EFCAB6: variants seen among roughly 807,000 people sequenced by gnomAD.
EFCAB6 encodes EF-hand calcium-binding domain-containing protein 6.
In EFCAB6, 156 loss-of-function variants were observed where a neutral mutation model predicts 169.8. The observed-to-expected ratio is 0.92, with a 90% CI of 0.81 to 1.05. The LOEUF (loss-of-function observed/expected upper bound fraction) is 1.05. Ranked by LOEUF, EFCAB6 falls within the 50% of genes least tolerant of loss-of-function variation. The pLI is 0.00. For missense variants in EFCAB6, 1,800 were observed against 1,829.1 expected, an observed-to-expected ratio of 0.98 and a Z score of 0.29; for synonymous variants, 698 against 676.4, an observed-to-expected ratio of 1.03 and a Z score of -0.50.
Position 43,530,930 on chromosome 22 carries a change from G to A in EFCAB6, c.4268C>T (p.Ser1423Phe). ...EAGAETPSFY[S>F]ALLRIQPKIV... ...TTTGGGCTGAATACGCAGCAGAGCA[G>A]AGTAAAAAGATGGCGTCTCCGCGCC... Residue 1423 changes from serine to phenylalanine, a missense_variant, in exon 31 of 32, where the codon TCT becomes TTT. Ser to Phe is a radical substitution (Grantham distance 155). Coordinates refer to ENST00000262726, the MANE Select transcript of EFCAB6 (RefSeq NM_022785.4). 1 of 1,613,776 alleles carries A rather than the reference G, an allele frequency of 6.2e-7. No homozygotes were observed. The highest frequency in any genetic ancestry group is 8.5e-7 in the Non-Finnish European group (1 of 1,180,036).
intron 6 of EFCAB6, among the ~76,000 whole-genome samples, chr22:43,746,940 G>C (rs911519487): frequency 6.6e-6 from 1 of 152,170 alleles, no homozygotes; most frequent in African/African-American, 2.4e-5. Context: ...ACACCAGCAG[G>C]GGCAAGCCTG....
At chr22:43,595,068 T>C (rs1184145800) in intron 23 of EFCAB6, among the ~76,000 whole-genome samples, 1 of 151,966 alleles carries the variant, frequency 6.6e-6, no homozygotes, top group Non-Finnish European at 1.5e-5. Context: ...TAAAAATGTA[T>C]TGAAGCAGAT....
intron 17 of EFCAB6, among the ~76,000 whole-genome samples, chr22:43,652,985 T>C (rs1569321522): frequency 6.6e-6 from 1 of 151,978 alleles, no homozygotes; most frequent in African/African-American, 2.4e-5. Context: ...AACCACAGAT[T>C]GAAAAATGCA....
intron 5 of EFCAB6, among the ~76,000 whole-genome samples, chr22:43,760,544 T>A (rs944659683): frequency 3.3e-5 from 5 of 152,248 alleles, no homozygotes; most frequent in Admixed American, 6.5e-5. Flanking sequence ...TTTTTTCTCT[T>A]ATACTGCTAT....
intron 20 of EFCAB6, among the ~76,000 whole-genome samples, chr22:43,625,959 GGTCTCC>G (rs1410642965): frequency 1.5e-4 from 23 of 152,356 alleles, no homozygotes; most frequent in Admixed American, 1.3e-3. Context: ...TGTGCTCACA[GGTCTCC>G]CAAGCTTCAA....
At chr22:43,655,446 T>C (rs941182963) in intron 17 of EFCAB6, among the ~76,000 whole-genome samples, 5 of 147,026 alleles carry the variant, frequency 3.4e-5, no homozygotes, top group African/African-American at 1.3e-4. Context: ...TCTATGAGAC[T>C]AATATAAGAA....
intron 5 of EFCAB6, among the ~76,000 whole-genome samples, 182 bp from the exon 6 acceptor site, chr22:43,756,014 T>G (rs530007442): frequency 6.6e-6 from 1 of 152,332 alleles, no homozygotes; most frequent in South Asian, 2.1e-4. Flanking sequence ...TCCCCTGGCC[T>G]GTTTTCTCAT....
intron 25 of EFCAB6, among the ~76,000 whole-genome samples, chr22:43,578,375 G>T (rs1221284293): frequency 6.6e-6 from 1 of 152,212 alleles, no homozygotes; most frequent in African/African-American, 2.4e-5. Context: ...TCACTGTGGG[G>T]ATTGAGAGGT....
At chr22:43,650,339 A>G (rs968719964) in intron 17 of EFCAB6, among the ~76,000 whole-genome samples, 1 of 152,176 alleles carries the variant, frequency 6.6e-6, no homozygotes, top group African/African-American at 2.4e-5. Context: ...CGGTTTTAAA[A>G]AGAGGCGTTC....
intron 17 of EFCAB6, among the ~76,000 whole-genome samples, chr22:43,646,301 G>C (rs778249467): frequency 2.6e-5 from 4 of 152,174 alleles, no homozygotes; most frequent in Admixed American, 6.5e-5. Flanking sequence ...CTGATTTCAA[G>C]AGCAGATACA....
chr22:43,629,311 C>T (rs922138279), intron 19 of EFCAB6, among the ~76,000 whole-genome samples: 1 of 152,226 alleles, frequency 6.6e-6, no homozygotes, highest in African/African-American at 2.4e-5. Context: ...ATTTCAGTTC[C>T]TGACGGTGCC....
chr22:43,717,051 C>T (rs1190810866), intron 8 of EFCAB6, 79 bp from the exon 9 acceptor site: 33 of 1,379,998 alleles, frequency 2.4e-5, no homozygotes, highest in Non-Finnish European at 2.9e-5. Flanking sequence ...TTAATCATTA[C>T]TTGTTTGGTA....
intron 10 of EFCAB6, among the ~76,000 whole-genome samples, chr22:43,692,664 T>C (rs1461820699): frequency 6.6e-6 from 1 of 152,052 alleles, no homozygotes; most frequent in Non-Finnish European, 1.5e-5. Context: ...AACTTAAATA[T>C]AGACCAACTG....
chr22:43,682,031 G>A (rs1603195685), intron 12 of EFCAB6, among the ~76,000 whole-genome samples: 1 of 152,198 alleles, frequency 6.6e-6, no homozygotes, highest in East Asian at 1.9e-4. Flanking sequence ...GCAGGAGAGA[G>A]ATTTGTTTCC....
intron 3 of EFCAB6, among the ~76,000 whole-genome samples, chr22:43,780,958 G>A (rs1159173937): frequency 6.6e-6 from 1 of 152,170 alleles, no homozygotes; most frequent in East Asian, 1.9e-4. Context: ...GCAGTGCTTT[G>A]TAAGTGCGTC....
chr22:43,757,049 G>T (rs546260387), intron 5 of EFCAB6, among the ~76,000 whole-genome samples: 1 of 152,160 alleles, frequency 6.6e-6, no homozygotes, highest in African/African-American at 2.4e-5. Context: ...GACTTCAAAG[G>T]GTAAGGGGAA....
chr22:43,776,205 A>G (rs1301583513), intron 3 of EFCAB6, among the ~76,000 whole-genome samples: 1 of 152,184 alleles, frequency 6.6e-6, no homozygotes, highest in Non-Finnish European at 1.5e-5. Context: ...AACCACCTGC[A>G]TGGAGGCCAC....
chr22:43,741,857 T>A (rs1322556497), intron 6 of EFCAB6, among the ~76,000 whole-genome samples: 1 of 152,154 alleles, frequency 6.6e-6, no homozygotes, highest in Admixed American at 6.5e-5. Flanking sequence ...TGCCTGCACT[T>A]GGTAACTAGC....
At chr22:43,680,664 T>A (rs2057968520) in intron 12 of EFCAB6, among the ~76,000 whole-genome samples, 1 of 152,224 alleles carries the variant, frequency 6.6e-6, no homozygotes, top group East Asian at 1.9e-4. Context: ...ATCTGGCACT[T>A]CTTTTGATAA....
Sources: gnomAD v4.1 joint callset for allele counts (sites outside exome capture counted in the v4.1 genomes callset) on GRCh38, gnomAD v4.1.1 for gene constraint, MANE v1.5 for transcripts, NCBI Gene and HGNC (gene_info 2026-07-23, HGNC 2026-07-21) for gene names.